The following WDR12 variants were observed in gnomAD, a reference collection of about 807,000 sequenced individuals.
WDR12 encodes WD repeat domain 12.
WDR12 carries 42 observed loss-of-function variants against 64.3 expected under a neutral mutation model. The ratio of observed to expected loss-of-function variants is 0.65; its 90% CI spans 0.51 to 0.84. WDR12 has a LOEUF of 0.84. Among genes scored for constraint, WDR12 ranks in the 40% least tolerant of loss-of-function variants. The pLI is 0.00. For synonymous variants in WDR12, 158 were observed against 173.3 expected (o/e 0.91, Z 0.70); for missense variants, 469 against 494.6 (o/e 0.95, Z 0.49).
At chr2:202,910,063 T>C (rs561112341) in intron 1 of WDR12, among the ~76,000 whole-genome samples, 1 of 152,148 alleles carries the variant, frequency 6.6e-6, no homozygotes, top group Non-Finnish European at 1.5e-5. Context: ...CCCAGACTGT[T>C]GGGATTACAG....
Position 202,911,663 on chromosome 2 carries a change from T to G in WDR12, c.-187A>C. On this transcript the variant is annotated 5_prime_UTR_variant, in exon 1 of 13. Transcript: ENST00000261015. ...GTCTCCTCTGCAGAAAGCACGAGGT[T>G]GCCCTTCTACAGACGCCCAGACCAC... 1 of 619,208 alleles carries G rather than the reference T, an allele frequency of 1.6e-6. No homozygotes were observed. Among genetic ancestry groups the G allele is most frequent in the Non-Finnish European group, 2.9e-6 (1 of 343,468 alleles). The allele number at this position is 619,208 out of a possible 1,614,324, so 38.4% of individuals were successfully genotyped here.
chr2:202,883,670 G>C lies in WDR12; in HGVS notation c.1060C>G (p.His354Asp), dbSNP rs1195962479. ...GATCCTGAAATCAGCTGCTGTTCATGGGTAGGAGACCATTTTACTGATGTC... is the reference window on the plus strand; with the variant it reads ...GATCCTGAAATCAGCTGCTGTTCATCGGTAGGAGACCATTTTACTGATGTC... ...WVTSVKWSPTHEQQLISGSLD... is the reference protein window; with the variant it reads ...WVTSVKWSPTDEQQLISGSLD... Residue 354 changes from histidine (H) to aspartate (D), a missense_variant, in exon 11 of 13, where the codon CAT becomes GAT. Coordinates refer to ENST00000261015, the MANE Select transcript of WDR12 (RefSeq NM_018256.4). 1 of 1,614,070 alleles carries C rather than the reference G, an allele frequency of 6.2e-7. No individual in the cohort carries two copies. Among genetic ancestry groups the C allele is most frequent in the African/African-American group, 1.3e-5 (1 of 75,008 alleles).
chr2:202,899,699 A>T, intron 3 of WDR12, 62 bp from the exon 4 acceptor site: 2 of 1,425,798 alleles, frequency 1.4e-6, no homozygotes, highest in Non-Finnish European at 2.0e-6. Context: ...TACATTATGA[A>T]GATAACCCCC....
At chr2:202,900,994 T>A in intron 3 of WDR12, 31 bp downstream of exon 3, 1 of 1,530,490 alleles carries the variant, frequency 6.5e-7, no homozygotes, top group Non-Finnish European at 8.9e-7. Context: ...ATGCCTCAAG[T>A]GAAATACAGA....
intron 7 of WDR12, 121 bp downstream of exon 7, chr2:202,894,460 G>A (rs1321086463): frequency 2.6e-6 from 2 of 765,922 alleles, no homozygotes; most frequent in African/African-American, 3.6e-5. Context: ...GGCCTCAAGT[G>A]ATCCTTCTAC....
Sources: gnomAD v4.1 joint callset for allele counts (sites outside exome capture counted in the v4.1 genomes callset) on GRCh38, gnomAD v4.1.1 for gene constraint, MANE v1.5 for transcripts, NCBI Gene and HGNC (gene_info 2026-07-23, HGNC 2026-07-21) for gene names.